The following MMACHC variants were observed in gnomAD, a reference collection of about 807,000 sequenced individuals.
MMACHC encodes cyanocobalamin reductase / alkylcobalamin dealkylase.
MMACHC carries 14 observed loss-of-function variants against 17.6 expected under a neutral mutation model. The observed-to-expected ratio is 0.80, with a 90% CI of 0.53 to 1.25. MMACHC has a LOEUF of 1.25. MMACHC is among the 50% of genes most tolerant of loss of function. The pLI is 0.00. For missense variants in MMACHC, 392 were observed against 364.5 expected (o/e 1.08, Z -0.62); for synonymous variants, 151 against 142.1 (o/e 1.06, Z -0.45).
Position 45,510,882 on chromosome 1 carries a change from A to C in MMACHC, c.*1667A>C, listed in dbSNP as rs1396268457. The C allele has an allele frequency of 6.5e-6, 1 of 153,140 alleles. No individual in the cohort carries two copies. Among genetic ancestry groups the C allele is most frequent in the Non-Finnish European group, 1.5e-5 (1 of 68,712 alleles). The allele number at this position is 153,140 out of a possible 1,614,324, so 9.5% of individuals were successfully genotyped here. ...CCTCATGTGTAGTGAAACAAAATGTAACACCTTGGGTTCATTCAGTTCCAT... is the reference window on the plus strand; with the variant it reads ...CCTCATGTGTAGTGAAACAAAATGTCACACCTTGGGTTCATTCAGTTCCAT... On this transcript the variant is annotated 3_prime_UTR_variant, in exon 4 of 4. Transcript: ENST00000401061.
intron 1 of MMACHC, among the ~76,000 whole-genome samples, chr1:45,500,731 G>A (rs1404092181): frequency 1.3e-5 from 2 of 152,102 alleles, no homozygotes; most frequent in Non-Finnish European, 2.9e-5. Flanking sequence ...GGGCGTGGTG[G>A]TGCATGCCTG....
At chr1:45,508,180 G>A in intron 2 of MMACHC, 32 bp from the exon 3 acceptor site, 2 of 1,613,034 alleles carry the variant, frequency 1.2e-6, no homozygotes, top group Non-Finnish European at 1.7e-6. Context: ...CCCTCATGCT[G>A]ACAGTACCCT....
At position 45,511,182 on chromosome 1, in the gene MMACHC, AC is replaced by A; in HGVS notation, c.*1972del. On this transcript the variant is annotated 3_prime_UTR_variant, in exon 4 of 4. Transcript: ENST00000401061. ...CAAAGGAAGAAAGGCTGGTCTCTCC[AC>A]CCCCTGTAGGAAAGGCCTGCCTTGT... 2 of 675,014 alleles carry A rather than the reference AC, an allele frequency of 3.0e-6. No individual in the cohort carries two copies. Among genetic ancestry groups the A allele is most frequent in the Non-Finnish European group, 5.0e-6 (2 of 400,216 alleles). 41.8% of individuals were successfully genotyped at this position (675,014 alleles called of 1,614,324 possible). A position where few individuals can be genotyped will look rare whatever the true frequency, so the allele number is the denominator to read the frequency against.
In MMACHC at chr1:45,511,674, G is replaced by T; in HGVS notation, c.*2459G>T. On this transcript the variant is annotated 3_prime_UTR_variant, in exon 4 of 4. Transcript: ENST00000401061. ...TAAATTTTCCACAAAAAAAGGCAAA[G>T]TTTAAATAATTTGCCAACACTCTCT... The T allele has an allele frequency of 2.9e-5, 9 of 313,332 alleles. No homozygotes were observed. Among genetic ancestry groups the T allele is most frequent in the Non-Finnish European group, 5.2e-5 (9 of 172,416 alleles). The allele number at this position is 313,332 out of a possible 1,614,324, so 19.4% of individuals were successfully genotyped here.
At chr1:45,508,732 G>A in intron 3 of MMACHC, 64 bp from the exon 4 acceptor site, 1 of 1,553,374 alleles carries the variant, frequency 6.4e-7, no homozygotes, top group Non-Finnish European at 8.7e-7. Flanking sequence ...AGCTTGCAAT[G>A]ATGGCAGTTG....
intron 1 of MMACHC, among the ~76,000 whole-genome samples, chr1:45,500,634 G>A (rs1643526027): frequency 1.3e-5 from 2 of 152,170 alleles, no homozygotes; most frequent in South Asian, 4.1e-4. Flanking sequence ...GGAGGCCGAG[G>A]CGGGCGGATC....
At chr1:45,505,867 A>G (rs1435278084) in intron 1 of MMACHC, among the ~76,000 whole-genome samples, 2 of 149,874 alleles carry the variant, frequency 1.3e-5, no homozygotes, top group Non-Finnish European at 3.0e-5. Context: ...ACGCCACTGC[A>G]CTCTAACCTG....
chr1:45,508,477 T>A, intron 3 of MMACHC, 113 bp downstream of exon 3: 1 of 1,284,964 alleles, frequency 7.8e-7, no homozygotes, highest in Non-Finnish European at 1.1e-6. Flanking sequence ...CAGAACAAAT[T>A]AGCTTTGTTC....
At position 45,511,321 on chromosome 1, in the gene MMACHC, C is replaced by T. The variant is rs1475498001; in HGVS notation, c.*2106C>T. The T allele has an allele frequency of 1.9e-6, 3 of 1,606,250 alleles. No individual in the cohort carries two copies. The highest frequency in any genetic ancestry group is 8.5e-7 in the Non-Finnish European group (1 of 1,175,670). ...CCACCGCAGCCTGGCACTAAAACAGCCCAGCGCTCACTTCTGCTTGGAGAA... is the reference window on the plus strand; with the variant it reads ...CCACCGCAGCCTGGCACTAAAACAGTCCAGCGCTCACTTCTGCTTGGAGAA... On this transcript the variant is annotated 3_prime_UTR_variant, in exon 4 of 4. Transcript: ENST00000401061.
rs1643698265 is a variant in MMACHC, at chr1:45,509,445, ACT to A, written c.*233_*234del. On this transcript the variant is annotated 3_prime_UTR_variant, in exon 4 of 4. Coordinates refer to ENST00000401061, the MANE Select transcript of MMACHC (RefSeq NM_015506.3). The stretch of plus-strand genomic sequence containing the variant: ...TTTTTTTTTTTTTAGACAGAGTCTT[ACT>A]CTGTCACCTAGGCTGGAGTGCAGTG... 1 of 446,564 alleles carries A rather than the reference ACT, an allele frequency of 2.2e-6. No homozygotes were observed. The allele number at this position is 446,564 out of a possible 1,614,324, so 27.7% of individuals were successfully genotyped here.
chr1:45,500,812 C>T (rs1001148146), intron 1 of MMACHC, among the ~76,000 whole-genome samples: 50 of 142,774 alleles, frequency 3.5e-4, no homozygotes, highest in African/African-American at 1.3e-3. Flanking sequence ...TGCAGTGAGC[C>T]GAGATTGCGC....
At chr1:45,500,788 C>G (rs1265670406) in intron 1 of MMACHC, among the ~76,000 whole-genome samples, 1 of 146,892 alleles carries the variant, frequency 6.8e-6, no homozygotes, top group Admixed American at 7.0e-5. Context: ...TGCTTGAACC[C>G]ATGAGACGGA....
rs140522266 is a variant in MMACHC, at chr1:45,508,806, G to A, written c.440G>A (p.Gly147Asp). The A allele has an allele frequency of 5.0e-6, 8 of 1,613,972 alleles. No individual in the cohort carries two copies. In the East Asian group the frequency reaches 6.7e-5, roughly 13 times the overall value. Residue 147 changes from glycine to aspartate, a missense_variant, in exon 4 of 4, where the codon GGT becomes GAT. By Grantham distance (94) the Gly-to-Asp change is moderately conservative (BLOSUM62 -1). Coordinates refer to ENST00000401061, the MANE Select transcript of MMACHC (RefSeq NM_015506.3). Reference protein sequence around the residue: ...ADPWGNQRISGVCIHPRFGGW... With the variant: ...ADPWGNQRISDVCIHPRFGGW... ...TCACCCTCTCCCCAGCGCATATCAG[G>A]TGTGTGCATACACCCCCGATTTGGG...
At position 45,510,902 on chromosome 1, in the gene MMACHC, T is replaced by C. The variant is rs1326897679; in HGVS notation, c.*1687T>C. 1 of 154,674 alleles carries C rather than the reference T, an allele frequency of 6.5e-6. No homozygotes were observed. Among genetic ancestry groups the C allele is most frequent in the Admixed American group, 6.5e-5 (1 of 15,378 alleles). 9.6% of individuals were successfully genotyped at this position (154,674 alleles called of 1,614,324 possible). A position where few individuals can be genotyped will look rare whatever the true frequency, so the allele number is the denominator to read the frequency against. ...AATGTAACACCTTGGGTTCATTCAG[T>C]TCCATTCCCTATATCTACCTGTGTC... is the stretch of plus-strand genomic sequence containing the variant. On this transcript the variant is annotated 3_prime_UTR_variant, in exon 4 of 4. Coordinates refer to ENST00000401061, the MANE Select transcript of MMACHC (RefSeq NM_015506.3).
chr1:45,501,979 G>A (rs1404209549), intron 1 of MMACHC, among the ~76,000 whole-genome samples: 2 of 152,042 alleles, frequency 1.3e-5, no homozygotes, highest in Non-Finnish European at 2.9e-5. Context: ...TAACCTCCTT[G>A]CTGTAATTTT....
Position 45,509,478 on chromosome 1 carries a change from G to C in MMACHC, c.*263G>C, listed in dbSNP as rs912857325. On this transcript the variant is annotated 3_prime_UTR_variant, in exon 4 of 4. Coordinates refer to ENST00000401061, the MANE Select transcript of MMACHC (RefSeq NM_015506.3). ...ACCTAGGCTGGAGTGCAGTGGCACAGTCTCTACTCACTGCAACCTCTGCCT... is the reference window on the plus strand; with the variant it reads ...ACCTAGGCTGGAGTGCAGTGGCACACTCTCTACTCACTGCAACCTCTGCCT... The C allele has an allele frequency of 2.8e-5, 11 of 397,478 alleles. No individual in the cohort carries two copies. In the East Asian group the frequency reaches 6.2e-4, roughly 23 times the overall value. 24.6% of individuals were successfully genotyped at this position (397,478 alleles called of 1,614,324 possible).
At chr1:45,500,627 G>A in intron 1 of MMACHC, among the ~76,000 whole-genome samples, 1 of 152,168 alleles carries the variant, frequency 6.6e-6, no homozygotes, top group East Asian at 1.9e-4. Context: ...CACTTTGGGA[G>A]GCCGAGGCGG....
chr1:45,500,391 G>C lies in MMACHC; in HGVS notation c.59G>C (p.Gly20Ala). ...ATCGAGGACACGCTATGTCCTTTTG[G>C]CTTCGAGGTTTACCCCTTCCAGGTT... ...QKIEDTLCPF[G>A]FEVYPFQVAW... The change falls in exon 1 of 4, where the codon GGC (glycine) becomes GCC (alanine). Residue 20 changes from glycine to alanine, a missense_variant. Transcript: ENST00000401061. 1 of 1,614,180 alleles carries C rather than the reference G, an allele frequency of 6.2e-7. No homozygotes were observed. The highest frequency in any genetic ancestry group is 1.1e-5 in the South Asian group (1 of 91,086).
At chr1:45,500,617 C>A (rs552869485) in intron 1 of MMACHC, among the ~76,000 whole-genome samples, 3 of 152,252 alleles carry the variant, frequency 2.0e-5, no homozygotes, top group African/African-American at 7.2e-5. Context: ...GTAATCCCAG[C>A]ACTTTGGGAG....
Sources: gnomAD v4.1 joint callset for allele counts (sites outside exome capture counted in the v4.1 genomes callset) on GRCh38, gnomAD v4.1.1 for gene constraint, MANE v1.5 for transcripts, NCBI Gene and HGNC (gene_info 2026-07-23, HGNC 2026-07-21) for gene names.